Variants in NOX4 observed in about 807,000 individuals in gnomAD.
The protein encoded by NOX4 is NADPH oxidase 4, also known as kidney oxidase-1.
NOX4 carries 69 observed loss-of-function variants against 87.6 expected under a neutral mutation model. The observed-to-expected ratio is 0.79, with a 90% CI of 0.65 to 0.96. The LOEUF is 0.96. NOX4 is among the 40% of genes least tolerant of loss of function. NOX4 has a pLI of 0.00. For synonymous variants in NOX4, 275 were observed against 238.2 expected, an observed-to-expected ratio of 1.15 and a Z score of -1.42; for missense variants, 680 against 681.5, an observed-to-expected ratio of 1.00 and a Z score of 0.02.
At chr11:89,458,436 T>G (rs1052605996) in intron 2 of NOX4, among the ~76,000 whole-genome samples, 1 of 151,762 alleles carries the variant, frequency 6.6e-6, no homozygotes, top group Non-Finnish European at 1.5e-5. Context: ...CAAAAGCAAT[T>G]AAAACAAAAC....
chr11:89,455,004 C>T (rs10501704), intron 2 of NOX4, among the ~76,000 whole-genome samples: 3,618 of 152,004 alleles, frequency 0.024, 135 homozygotes, highest in African/African-American at 0.079. Flanking sequence ...CTGAAGGATA[C>T]GGAAGGATAA....
intron 14 of NOX4, among the ~76,000 whole-genome samples, chr11:89,340,784 T>C (rs1945954869): frequency 6.6e-6 from 1 of 152,184 alleles, no homozygotes; most frequent in African/African-American, 2.4e-5. Flanking sequence ...ATTTTCTTCC[T>C]TTTTCATAAC....
chr11:89,363,398 C>T (rs1174174603), intron 12 of NOX4, among the ~76,000 whole-genome samples: 2 of 152,068 alleles, frequency 1.3e-5, no homozygotes, highest in Non-Finnish European at 2.9e-5. Context: ...ATCTAACAAA[C>T]TTTTATTGAG....
At chr11:89,561,015 T>TATATTATATATATATATATATATAC in the NOX4 span, among the ~76,000 whole-genome samples, 1 of 80,528 alleles carries the variant, frequency 1.2e-5, no homozygotes, top group African/African-American at 6.1e-5. Context: ...TATATATATA[T>TATATTATATATATATATATATATAC]ATATACATAC....
At chr11:89,396,957 C>T (rs1366320405) in intron 11 of NOX4, among the ~76,000 whole-genome samples, 3 of 137,560 alleles carry the variant, frequency 2.2e-5, no homozygotes, top group African/African-American at 8.9e-5. Flanking sequence ...CTCAGCTCTG[C>T]CCCAAGCGGA....
At chr11:89,344,376 C>T (rs550191336) in intron 13 of NOX4, among the ~76,000 whole-genome samples, 101 of 152,008 alleles carry the variant, frequency 6.6e-4, no homozygotes, top group African/African-American at 2.3e-3. Context: ...GCCTGAGCAA[C>T]AAAATGAGAC....
intron 11 of NOX4, among the ~76,000 whole-genome samples, chr11:89,382,278 T>A (rs947508534): frequency 1.3e-5 from 2 of 152,128 alleles, no homozygotes; most frequent in African/African-American, 4.8e-5. Flanking sequence ...TTCCAAGAAC[T>A]TAAAGCCTCT....
At chr11:89,460,251 G>A (rs1424216872) in intron 2 of NOX4, among the ~76,000 whole-genome samples, 1 of 152,152 alleles carries the variant, frequency 6.6e-6, no homozygotes, top group Non-Finnish European at 1.5e-5. Flanking sequence ...ATACACATGA[G>A]CAAGGACTTC....
chr11:89,403,532 G>A (rs1024233703), intron 8 of NOX4, among the ~76,000 whole-genome samples: 5 of 152,052 alleles, frequency 3.3e-5, no homozygotes, highest in Non-Finnish European at 7.4e-5. Flanking sequence ...CTGAGGTCAG[G>A]AGTTCGAGAC....
chr11:89,385,224 C>T (rs548774084), intron 11 of NOX4, among the ~76,000 whole-genome samples: 1 of 152,258 alleles, frequency 6.6e-6, no homozygotes, highest in South Asian at 2.1e-4. Context: ...TGCAAGGTTC[C>T]TCCATCATTA....
chr11:89,337,468 G>T lies in NOX4; in HGVS notation c.1494C>A (p.Leu498=). 1 of 1,612,318 alleles carries T rather than the reference G, an allele frequency of 6.2e-7. No homozygotes were observed. The highest frequency in any genetic ancestry group is 8.5e-7 in the Non-Finnish European group (1 of 1,178,804). Residue 498 remains leucine, a synonymous_variant, in exon 16 of 18, where the codon CTC becomes CTA. Coordinates refer to ENST00000263317, the MANE Select transcript of NOX4 (RefSeq NM_016931.5). ...ATACCTGTATCCCATCTGTTTGACT[G>T]AGGTACAGCTGGATGTTGACATAGT... ...RPDYVNIQLY[L]SQTDGIQKII...
chr11:89,506,266 A>G, the NOX4 span, among the ~76,000 whole-genome samples: 1 of 143,136 alleles, frequency 7.0e-6, no homozygotes, highest in African/African-American at 2.6e-5. Context: ...AAAGAAAGAG[A>G]AAGAAAGAAA....
chr11:89,572,422 C>T, the NOX4 span, among the ~76,000 whole-genome samples: 13 of 152,270 alleles, frequency 8.5e-5, no homozygotes, highest in Admixed American at 5.2e-4. Context: ...TGATTTCAGT[C>T]CTTTGAATTT....
At chr11:89,466,597 G>A (rs1945706810) in intron 2 of NOX4, among the ~76,000 whole-genome samples, 1 of 152,052 alleles carries the variant, frequency 6.6e-6, no homozygotes, top group Admixed American at 6.6e-5. Context: ...ATTGTAATCG[G>A]CACATATTTT....
chr11:89,451,540 A>G (rs1944961240), intron 3 of NOX4, among the ~76,000 whole-genome samples: 1 of 152,200 alleles, frequency 6.6e-6, no homozygotes. Context: ...ATTGTCCAGC[A>G]TGTATGTGAA....
intron 11 of NOX4, among the ~76,000 whole-genome samples, chr11:89,391,753 AAAAG>A (rs1565229572): frequency 6.6e-6 from 1 of 150,666 alleles, no homozygotes; most frequent in Admixed American, 6.6e-5. Context: ...AAAAAAAAAA[AAAAG>A]AAAGAAAGAA....
chr11:89,385,421 A>G (rs572631979), intron 11 of NOX4, among the ~76,000 whole-genome samples: 49 of 152,158 alleles, frequency 3.2e-4, no homozygotes, highest in Non-Finnish European at 5.3e-4. Context: ...TCTCCTTCTC[A>G]TCAGTCACTC....
rs1390166941 is a variant in NOX4 at position 89,444,218 on chromosome 11, C to T, written c.364G>A (p.Ala122Thr). 3 of 1,613,412 alleles carry T rather than the reference C, an allele frequency of 1.9e-6. No individual in the cohort carries two copies. Among genetic ancestry groups the T allele is most frequent in the Admixed American group, 1.7e-5 (1 of 59,936 alleles). Reference sequence around the variant, plus strand: ...AAGTTGAGGGCATTCACCAGATGGGCAGCCACATGCACGCCTACAGAATTA... The same window carrying T: ...AAGTTGAGGGCATTCACCAGATGGGTAGCCACATGCACGCCTACAGAATTA... ...ICIFSGVHVA[A>T]HLVNALNFSV... Residue 122 changes from alanine to threonine, a missense_variant, in exon 5 of 18, where the codon GCC (alanine) becomes ACC (threonine). Ala to Thr is a moderately conservative substitution (Grantham distance 58, BLOSUM62 0). Transcript: ENST00000263317.
Position 89,335,859 on chromosome 11 carries a change from T to C in NOX4, c.1602A>G (p.Ala534=), listed in dbSNP as rs776666638. Residue 534 remains alanine (A), a synonymous_variant, in exon 17 of 18, where the codon GCA becomes GCG. Coordinates refer to ENST00000263317, the MANE Select transcript of NOX4 (RefSeq NM_016931.5). Reference sequence around the variant, plus strand: ...ATAGTACTTACCCTCTGTTATATTTTGCTATTTCATCAAACAAAAGTTTCC... The same window carrying C: ...ATAGTACTTACCCTCTGTTATATTTCGCTATTTCATCAAACAAAAGTTTCC... ...PRWKLLFDEI[A]KYNRGKTVGV... 4 of 1,586,114 alleles carry C rather than the reference T, an allele frequency of 2.5e-6. No individual in the cohort carries two copies. The Admixed American group carries it at 6.9e-5, about 27-fold the overall frequency.
Sources: allele counts gnomAD v4.1 joint callset (sites outside exome capture counted in the v4.1 genomes callset), GRCh38; gene constraint gnomAD v4.1.1; transcripts MANE v1.5; gene names NCBI Gene and HGNC (gene_info 2026-07-23, HGNC 2026-07-21).